Variants in MYO3A observed in about 807,000 individuals in gnomAD.
The protein encoded by MYO3A is myosin IIIA.
A neutral mutation model predicts 192.7 loss-of-function variants in MYO3A; 180 were observed. The ratio of observed to expected loss-of-function variants is 0.93; its 90% CI spans 0.83 to 1.06. The LOEUF (loss-of-function observed/expected upper bound fraction) is 1.06. Among genes scored for constraint, MYO3A ranks in the 50% least tolerant of loss-of-function variants. MYO3A has a pLI of 0.00. For synonymous variants in MYO3A, 628 were observed against 645.3 expected, an observed-to-expected ratio of 0.97 and a Z score of 0.41; for missense variants, 1,896 against 1,905.0, an observed-to-expected ratio of 1.00 and a Z score of 0.09.
chr10:26,055,953 G>A (rs1336621620), intron 10 of MYO3A, among the ~76,000 whole-genome samples: 1 of 152,114 alleles, frequency 6.6e-6, no homozygotes, highest in African/African-American at 2.4e-5. Flanking sequence ...AAAATTACAA[G>A]GCATACTAAC....
chr10:26,178,260 A>G (rs1189344596), intron 31 of MYO3A, among the ~76,000 whole-genome samples: 2 of 152,234 alleles, frequency 1.3e-5, no homozygotes, highest in Non-Finnish European at 2.9e-5. Flanking sequence ...GCTGCTGGAA[A>G]GGAGAGGTAC....
chr10:25,997,235 G>A lies in MYO3A; in HGVS notation c.485G>A (p.Gly162Asp), dbSNP rs371273686. The A allele has an allele frequency of 3.1e-6, 5 of 1,613,002 alleles. No homozygotes were observed. Among genetic ancestry groups the A allele is most frequent in the South Asian group, 2.2e-5 (2 of 91,066 alleles). ...AATAACATTCTATTGACCACGGAAG[G>A]TGGAGTGAAACTAGTAGATTTTGGT... ...KGNNILLTTE[G>D]GVKLVDFGVS... is the part of the protein sequence containing the mutation. The change falls in exon 6 of 35, where the codon GGT (glycine) becomes GAT (aspartate). Residue 162 changes from glycine (G) to aspartate (D), a missense_variant. Physicochemically the swap from Gly to Asp is moderately conservative, Grantham distance 94. Transcript: ENST00000642920.
chr10:26,105,660 C>G (rs955736655), intron 17 of MYO3A, among the ~76,000 whole-genome samples: 3 of 152,008 alleles, frequency 2.0e-5, no homozygotes, highest in African/African-American at 7.2e-5. Context: ...CTGTGACTTA[C>G]TTTTTGTCAT....
chr10:26,070,872 GA>G (rs1300237500), intron 14 of MYO3A, among the ~76,000 whole-genome samples: 1 of 151,878 alleles, frequency 6.6e-6, no homozygotes, highest in Non-Finnish European at 1.5e-5. Context: ...TTTGTTTGCT[GA>G]AAACTGAAAG....
At chr10:26,019,252 TTTATTTATTTATTTA>T (rs1464243752) in intron 7 of MYO3A, among the ~76,000 whole-genome samples, 18 of 130,332 alleles carry the variant, frequency 1.4e-4, no homozygotes, top group African/African-American at 3.1e-4. Flanking sequence ...TATTTATTTA[TTTATTTATTTATTTA>T]TTTTTTCCTG....
intron 4 of MYO3A, among the ~76,000 whole-genome samples, chr10:25,973,110 A>G (rs1268573280): frequency 6.6e-6 from 1 of 152,190 alleles, no homozygotes; most frequent in African/African-American, 2.4e-5. Context: ...CTTTCCATCC[A>G]TGTGGACGGA....
At chr10:26,126,033 T>A (rs780481055) in intron 19 of MYO3A, among the ~76,000 whole-genome samples, 41 of 152,194 alleles carry the variant, frequency 2.7e-4, no homozygotes, top group Non-Finnish European at 4.1e-4. Flanking sequence ...TTTTCATATT[T>A]TAACTCTCAC....
chr10:25,952,560 A>G (rs2130555548), intron 3 of MYO3A, among the ~76,000 whole-genome samples: 1 of 152,288 alleles, frequency 6.6e-6, no homozygotes, highest in Middle Eastern at 3.4e-3. Context: ...GTTATTTTAG[A>G]CATGAAAAAT....
chr10:26,100,171 T>A (rs964590159), intron 17 of MYO3A, among the ~76,000 whole-genome samples: 1 of 152,258 alleles, frequency 6.6e-6, no homozygotes, highest in Admixed American at 6.5e-5. Context: ...ATCCATTTCT[T>A]CTAGATTTTC....
intron 31 of MYO3A, 76 bp from the exon 32 acceptor site, chr10:26,193,125 CTTAT>C (rs1843230454): frequency 1.7e-6 from 2 of 1,161,820 alleles, no homozygotes; most frequent in Non-Finnish European, 2.5e-6. Flanking sequence ...TGTATAATTT[CTTAT>C]TTATCCCAAA....
rs7096646 is a variant in MYO3A, at chr10:26,157,740, G to A, written c.2999+225G>A. On this transcript the variant is annotated intron_variant, in intron 26 of 34. Coordinates refer to ENST00000642920, the MANE Select transcript of MYO3A (RefSeq NM_017433.5). ...GGTATAGGCAGCATGATCCAGAGGCGTGAGCTTCTGTACTGAGGAGTTGGA... is the reference window on the plus strand; with the variant it reads ...GGTATAGGCAGCATGATCCAGAGGCATGAGCTTCTGTACTGAGGAGTTGGA... Among the ~76,000 whole-genome samples the A allele has an allele frequency of 0.35, 52,716 of 152,006 alleles. 9,250 individuals carry two copies. The highest frequency in any genetic ancestry group is 0.44 in the Middle Eastern group (129 of 294).
intron 6 of MYO3A, among the ~76,000 whole-genome samples, chr10:26,014,472 T>G (rs1841866821): frequency 6.6e-6 from 1 of 152,098 alleles, no homozygotes; most frequent in Admixed American, 6.6e-5. Flanking sequence ...TCCACCAATT[T>G]AAATATTAAT....
intron 4 of MYO3A, among the ~76,000 whole-genome samples, chr10:25,977,563 A>G (rs977601205): frequency 1.3e-5 from 2 of 152,164 alleles, no homozygotes; most frequent in Non-Finnish European, 2.9e-5. Context: ...AAATTTTGTC[A>G]TTTGTGATTT....
intron 17 of MYO3A, among the ~76,000 whole-genome samples, chr10:26,106,929 A>ATT (rs34740956): frequency 2.6e-5 from 4 of 151,760 alleles, no homozygotes; most frequent in Admixed American, 1.3e-4. Context: ...AAATGTATCT[A>ATT]TTTTTTTCTT....
chr10:26,030,129 A>G (rs756036015), intron 10 of MYO3A, among the ~76,000 whole-genome samples: 17 of 152,022 alleles, frequency 1.1e-4, no homozygotes, highest in Non-Finnish European at 2.2e-4. Flanking sequence ...CATTCTTCCC[A>G]CCACACCTCG....
chr10:25,992,925 G>T (rs530072600), intron 4 of MYO3A, among the ~76,000 whole-genome samples: 3 of 152,184 alleles, frequency 2.0e-5, no homozygotes, highest in Non-Finnish European at 4.4e-5. Context: ...TTTTATTGAG[G>T]ATATTTGCAT....
intron 10 of MYO3A, among the ~76,000 whole-genome samples, chr10:26,062,530 A>AAAAAAAAAAAAAAAAAAAAAAAACG (rs1554816581): frequency 2.4e-5 from 3 of 125,946 alleles, no homozygotes; most frequent in Non-Finnish European, 3.4e-5. Context: ...AAAAAAAAAA[A>AAAAAAAAAAAAAAAAAAAAAAAACG]AAATTATGGA....
At chr10:26,033,100 G>A (rs369694881) in intron 10 of MYO3A, among the ~76,000 whole-genome samples, 1 of 151,938 alleles carries the variant, frequency 6.6e-6, no homozygotes, top group African/African-American at 2.4e-5. Flanking sequence ...TTGAGACAGG[G>A]TCTTGTTCTG....
chr10:26,074,373 G>A (rs895827886), intron 14 of MYO3A, among the ~76,000 whole-genome samples: 1 of 151,582 alleles, frequency 6.6e-6, no homozygotes, highest in Non-Finnish European at 1.5e-5. Flanking sequence ...TTGTCATATA[G>A]CTATTCAGTT....
Sources: allele counts gnomAD v4.1 joint callset (sites outside exome capture counted in the v4.1 genomes callset), GRCh38; gene constraint gnomAD v4.1.1; transcripts MANE v1.5; gene names NCBI Gene and HGNC (gene_info 2026-07-23, HGNC 2026-07-21).